The following DENND2B variants were observed in gnomAD, a reference collection of about 807,000 sequenced individuals.
DENND2B encodes DENN domain-containing protein 2B.
A neutral mutation model predicts 116.0 loss-of-function variants in DENND2B; 32 were observed. That is an observed-to-expected ratio of 0.28 (90% CI 0.21 to 0.37). DENND2B has a LOEUF of 0.37. Ranked by LOEUF, DENND2B falls within the 10% of genes least tolerant of loss-of-function variation. DENND2B has a pLI of 1.00. For synonymous variants in DENND2B, 588 were observed against 583.9 expected (o/e 1.01, Z -0.10); for missense variants, 1,276 against 1,477.7 (o/e 0.86, Z 2.24).
At chr11:8,761,805 C>T (rs1593293205) in intron 1 of DENND2B, among the ~76,000 whole-genome samples, 1 of 141,564 alleles carries the variant, frequency 7.1e-6, no homozygotes, top group Admixed American at 6.8e-5. Context: ...ATAATAAAGG[C>T]TAAAGGGACT....
intron 2 of DENND2B, among the ~76,000 whole-genome samples, chr11:8,879,020 GTTT>G (rs980193213): frequency 2.0e-5 from 3 of 152,172 alleles, no homozygotes; most frequent in African/African-American, 4.8e-5. Context: ...CTTTAAAATG[GTTT>G]TTATGTTGTG....
At chr11:8,715,459 A>G (rs2044567303) in intron 6 of DENND2B, 144 bp downstream of exon 6, 1 of 725,406 alleles carries the variant, frequency 1.4e-6, no homozygotes, top group East Asian at 2.7e-5. Context: ...AAAAGAGGCC[A>G]GTGCACGGAC....
At chr11:8,821,026 C>T (rs1302161406) in intron 4 of DENND2B, among the ~76,000 whole-genome samples, 1 of 151,044 alleles carries the variant, frequency 6.6e-6, no homozygotes, top group Admixed American at 6.6e-5. Flanking sequence ...GAGGCCGAGG[C>T]ATGAGAACTG....
chr11:8,743,937 C>T (rs1377916628), intron 2 of DENND2B, among the ~76,000 whole-genome samples: 3 of 150,532 alleles, frequency 2.0e-5, no homozygotes, highest in African/African-American at 4.9e-5. Context: ...GAGATGGGGG[C>T]GGGGTCTCAC....
intron 1 of DENND2B, among the ~76,000 whole-genome samples, chr11:8,777,626 G>A (rs2057886366): frequency 6.6e-6 from 1 of 152,216 alleles, no homozygotes; most frequent in African/African-American, 2.4e-5. Context: ...AGAGATATCT[G>A]TGAATCAAGT....
intron 2 of DENND2B, among the ~76,000 whole-genome samples, chr11:8,736,345 G>A (rs973027867): frequency 2.7e-5 from 4 of 150,438 alleles, no homozygotes; most frequent in Non-Finnish European, 4.4e-5. Flanking sequence ...AGTGAGACCA[G>A]AGTGAGACCT....
chr11:8,777,786 C>A (rs2057906270), intron 1 of DENND2B, among the ~76,000 whole-genome samples: 1 of 152,210 alleles, frequency 6.6e-6, no homozygotes, highest in African/African-American at 2.4e-5. Flanking sequence ...GAACACCTAA[C>A]CCATCCCTAC....
rs140310708 is a variant in DENND2B at position 8,827,895 on chromosome 11, A to G, written c.-115+11415T>C. Among the ~76,000 whole-genome samples, 412 of 152,314 alleles carry G rather than the reference A, an allele frequency of 2.7e-3. 6 individuals carry two copies. The highest frequency in any genetic ancestry group is 9.6e-3 in the African/African-American group (397 of 41,570). On this transcript the variant is annotated intron_variant, in intron 4 of 6. Coordinates refer to the DENND2B transcript ENST00000524757. ...CAAATAAAATAACAATTTGCCAGCC[A>G]CAAACTTCCTTCCTCTACTATCCAG... is the stretch of plus-strand genomic sequence containing the variant.
At chr11:8,776,127 C>T in intron 1 of DENND2B, 1 of 411,590 alleles carries the variant, frequency 2.4e-6, no homozygotes, top group South Asian at 1.7e-5. Flanking sequence ...TGCACATGCA[C>T]ACAGACACGC....
chr11:8,711,189 G>A lies in DENND2B; in HGVS notation c.2215C>T (p.Leu739Phe). Residue 739 changes from leucine to phenylalanine, a missense_variant, in exon 10 of 20, where the codon CTC becomes TTC. By Grantham distance (22) the Leu-to-Phe change is conservative. Transcript: ENST00000313726. ...AAGCAAAACTGGGGAATGGCTTTGA[G>A]CCTTTCCTCTGCCTCTCGCATCTGC... is the stretch of plus-strand genomic sequence containing the variant. ...TKQMREAEER[L>F]KAIPQFCFPD... 1 of 1,614,130 alleles carries A rather than the reference G, an allele frequency of 6.2e-7. No homozygotes were observed. Among genetic ancestry groups the A allele is most frequent in the South Asian group, 1.1e-5 (1 of 91,088 alleles).
chr11:8,702,429 C>T lies in DENND2B; in HGVS notation c.2720+143G>A. On this transcript the variant is annotated intron_variant, in intron 14 of 19. Coordinates refer to ENST00000313726, the MANE Select transcript of DENND2B (RefSeq NM_213618.2). The surrounding 1 kb of genome is among the most constrained non-coding windows in gnomAD (Gnocchi z 4.6). ...TCACCCACACAGGGGTGCTACCTTT[C>T]CACCTAGTCTTCCATCTCCCTACGC... The T allele has an allele frequency of 1.6e-6, 2 of 1,227,464 alleles. No homozygotes were observed. The highest frequency in any genetic ancestry group is 2.2e-6 in the Non-Finnish European group (2 of 889,958). The allele number at this position is 1,227,464 out of a possible 1,614,324, so 76.0% of individuals were successfully genotyped here. A position where few individuals can be genotyped will look rare whatever the true frequency, so the allele number is the denominator to read the frequency against.
At chr11:8,869,371 T>G (rs928377841) in intron 2 of DENND2B, among the ~76,000 whole-genome samples, 2 of 152,172 alleles carry the variant, frequency 1.3e-5, no homozygotes, top group African/African-American at 4.8e-5. Context: ...AAGGTAATAT[T>G]TGCCAGATAG....
chr11:8,902,766 C>G (rs1428202505), intron 1 of DENND2B, among the ~76,000 whole-genome samples: 4 of 152,170 alleles, frequency 2.6e-5, no homozygotes, highest in Non-Finnish European at 5.9e-5. Flanking sequence ...TAACTTTCAA[C>G]TTATTTGTGT....
intron 4 of DENND2B, among the ~76,000 whole-genome samples, chr11:8,835,312 TA>T (rs1271199657): frequency 6.6e-6 from 1 of 152,184 alleles, no homozygotes; most frequent in Non-Finnish European, 1.5e-5. Context: ...GCAGGTTAAT[TA>T]AAAGATGGAT....
At chr11:8,899,546 A>C (rs1391845775) in intron 1 of DENND2B, among the ~76,000 whole-genome samples, 1 of 152,172 alleles carries the variant, frequency 6.6e-6, no homozygotes, top group Non-Finnish European at 1.5e-5. Context: ...CAGGGATCAA[A>C]GTGTTTAAAG....
At chr11:8,844,346 G>A (rs1418522430) in intron 3 of DENND2B, among the ~76,000 whole-genome samples, 3 of 152,194 alleles carry the variant, frequency 2.0e-5, no homozygotes, top group African/African-American at 7.2e-5. Context: ...GCTGCAGTGA[G>A]CCATGATTGC....
chr11:8,851,593 A>G (rs2063009892), intron 3 of DENND2B, among the ~76,000 whole-genome samples: 1 of 152,192 alleles, frequency 6.6e-6, no homozygotes, highest in Non-Finnish European at 1.5e-5. Context: ...CAATTTGGCT[A>G]AGCACATCAA....
chr11:8,718,560 G>A (rs1368171454), intron 4 of DENND2B: 77 of 1,404,896 alleles, frequency 5.5e-5, no homozygotes, highest in Non-Finnish European at 6.2e-5. Context: ...CTACTGTAGT[G>A]TCTATTCCCT....
At chr11:8,895,284 T>G (rs1027225295) in intron 1 of DENND2B, among the ~76,000 whole-genome samples, 2 of 152,146 alleles carry the variant, frequency 1.3e-5, no homozygotes, top group African/African-American at 4.8e-5. Context: ...CATTAGGAGA[T>G]ATACCTAATG....
Sources: gnomAD v4.1 joint callset for allele counts (sites outside exome capture counted in the v4.1 genomes callset) on GRCh38, gnomAD v4.1.1 for gene constraint, Gnocchi (gnomAD v3.1) non-coding constraint, MANE v1.5 for transcripts, NCBI Gene and HGNC (gene_info 2026-07-23, HGNC 2026-07-21) for gene names.